Variants in SPG11 observed in about 807,000 individuals in gnomAD.
The protein encoded by SPG11 is SPG11 vesicle trafficking associated, spatacsin.
Under a neutral mutation model 274.0 loss-of-function variants are expected in SPG11, and 222 were observed. The ratio of observed to expected loss-of-function variants is 0.81; its 90% CI spans 0.73 to 0.91. The LOEUF is 0.91. SPG11 is among the 40% of genes least tolerant of loss of function. The pLI is 0.00. For missense variants in SPG11, 3,114 were observed against 2,872.7 expected (o/e 1.08, Z -1.92); for synonymous variants, 1,144 against 1,039.7 (o/e 1.10, Z -1.93).
chr15:44,563,691 GAGTACAGTGGTTTTT>G (rs1327554120), intron 39 of SPG11, among the ~76,000 whole-genome samples: 1 of 152,136 alleles, frequency 6.6e-6, no homozygotes, highest in Non-Finnish European at 1.5e-5. Context: ...GCCCAGGCTG[GAGTACAGTGGTTTTT>G]CAGAGTGTGA....
chr15:44,572,441 T>C, intron 33 of SPG11: 1 of 509,664 alleles, frequency 2.0e-6, no homozygotes, highest in East Asian at 3.7e-5. Flanking sequence ...AATATAAGAG[T>C]GAAATAAGTA....
chr15:44,567,297 G>T, intron 36 of SPG11, 127 bp downstream of exon 36: 1 of 982,728 alleles, frequency 1.0e-6, no homozygotes, highest in Non-Finnish European at 1.5e-6. Flanking sequence ...GTTGCAGGGA[G>T]CTGAGATCGT....
intron 17 of SPG11, among the ~76,000 whole-genome samples, chr15:44,611,286 C>T (rs895195095): frequency 6.6e-6 from 1 of 152,036 alleles, no homozygotes; most frequent in Admixed American, 6.6e-5. Context: ...TTGTTCTCAA[C>T]AAAGAGCTCA....
chr15:44,657,047 T>A lies in SPG11; in HGVS notation c.869+48A>T, dbSNP rs138212424. 3,071 of 1,525,752 alleles carry A rather than the reference T, an allele frequency of 2.0e-3. 2 individuals are homozygous for A. The highest frequency in any genetic ancestry group is 2.7e-3 in the Non-Finnish European group (2,949 of 1,108,364). 94.5% of individuals were successfully genotyped at this position (1,525,752 alleles called of 1,614,324 possible). On this transcript the variant is annotated intron_variant, in intron 4 of 39. Coordinates refer to ENST00000261866, the MANE Select transcript of SPG11 (RefSeq NM_025137.4). ...TAACGAGGATATTTTTAACCTCTTA[T>A]CAGTCTAACTATTTACCTCAAATTA...
chr15:44,576,318 T>C (rs1192039771), intron 30 of SPG11, among the ~76,000 whole-genome samples: 2 of 151,894 alleles, frequency 1.3e-5, no homozygotes, highest in African/African-American at 2.4e-5. Context: ...TCAAGCTTAG[T>C]ACATCTGTAC....
chr15:44,587,527 A>C (rs1239544692), intron 28 of SPG11, among the ~76,000 whole-genome samples: 2 of 151,938 alleles, frequency 1.3e-5, no homozygotes, highest in Non-Finnish European at 2.9e-5. Context: ...TATTTCTAAT[A>C]AAAGATACAA....
At chr15:44,603,223 A>G (rs1285029638) in intron 20 of SPG11, among the ~76,000 whole-genome samples, 1 of 151,530 alleles carries the variant, frequency 6.6e-6, no homozygotes, top group African/African-American at 2.4e-5. Context: ...TAATTTTAAC[A>G]TTTTTCTTTC....
chr15:44,621,758 C>T lies in SPG11; in HGVS notation c.2620+1G>A. The T allele has an allele frequency of 1.2e-6, 2 of 1,613,522 alleles. No individual in the cohort carries two copies. Among genetic ancestry groups the T allele is most frequent in the South Asian group, 1.1e-5 (1 of 91,070 alleles). On this transcript the variant is annotated splice_donor_variant, in intron 14 of 39. Transcript: ENST00000261866. LOFTEE classifies it high-confidence loss of function. The stretch of plus-strand genomic sequence containing the variant: ...CATATTTCAGGCTCTCTCACACTTG[C>T]CTTCTGGACTTATCCTGGGGAGAAG...
At chr15:44,628,436 G>C (rs2083964259) in intron 10 of SPG11, among the ~76,000 whole-genome samples, 1 of 152,206 alleles carries the variant, frequency 6.6e-6, no homozygotes, top group Non-Finnish European at 1.5e-5. Context: ...CTGAACCCAA[G>C]TGGGCAGATC....
chr15:44,652,181 C>T lies in SPG11; in HGVS notation c.955G>A (p.Val319Ile), dbSNP rs748520918. The T allele has an allele frequency of 3.7e-6, 6 of 1,614,132 alleles. No homozygotes were observed. Among genetic ancestry groups the T allele is most frequent in the Non-Finnish European group, 4.2e-6 (5 of 1,180,012 alleles). ...GPKGVDEDDP[V>I]NSAYNMKLAK... ...AGTTTCATGTTGTAGGCAGAGTTAA[C>T]AGGATCATCTTCATCTACGCCCTTA... Residue 319 changes from valine to isoleucine, a missense_variant, in exon 5 of 40, where the codon GTT becomes ATT. Val to Ile is a conservative substitution (Grantham distance 29). Coordinates refer to ENST00000261866, the MANE Select transcript of SPG11 (RefSeq NM_025137.4).
intron 15 of SPG11, among the ~76,000 whole-genome samples, chr15:44,618,175 AT>A (rs2083638470): frequency 6.6e-6 from 1 of 152,066 alleles, no homozygotes; most frequent in Non-Finnish European, 1.5e-5. Flanking sequence ...AGTAAGTATG[AT>A]GTTGGCTAAA....
At chr15:44,631,803 CTTTTTTTTTTTTT>C (rs1205482825) in intron 8 of SPG11, among the ~76,000 whole-genome samples, 1 of 100,466 alleles carries the variant, frequency 1.0e-5, no homozygotes, top group African/African-American at 3.8e-5. Context: ...CTGCACCCAG[CTTTTTTTTTTTTT>C]TTTTTTTTTT....
Position 44,621,950 on chromosome 15 carries a change from T to TA in SPG11, c.2445-17dup. The TA allele has an allele frequency of 6.3e-7, 1 of 1,585,416 alleles. No homozygotes were observed. Among genetic ancestry groups the TA allele is most frequent in the Non-Finnish European group, 8.6e-7 (1 of 1,166,876 alleles). ...TATCCAGTACCTAAAAACAGTGATA[T>TA]AAATTTTTTTTTTTTTAATTTTGGA... On this transcript the variant is annotated splice_polypyrimidine_tract_variant and intron_variant, in intron 13 of 39. Coordinates refer to ENST00000261866, the MANE Select transcript of SPG11 (RefSeq NM_025137.4).
intron 18 of SPG11, 44 bp downstream of exon 18, chr15:44,610,794 TAA>T: frequency 6.4e-7 from 1 of 1,557,298 alleles, no homozygotes; most frequent in African/African-American, 1.4e-5. Flanking sequence ...ATAATTCTGC[TAA>T]ATTTAAAAAT....
intron 24 of SPG11, 37 bp from the exon 25 acceptor site, chr15:44,596,392 C>A: frequency 2.5e-6 from 4 of 1,611,312 alleles, no homozygotes; most frequent in Admixed American, 1.7e-5. Context: ...AGAAACCCAA[C>A]TTTCAGTTTC....
Position 44,660,439 on chromosome 15 carries a change from T to G in SPG11, c.435A>C (p.Gln145His), listed in dbSNP as rs552760302. The change falls in exon 2 of 40, where the codon CAA (glutamine) becomes CAC (histidine). Residue 145 changes from glutamine (Q) to histidine (H), a missense_variant. Physicochemically the swap from Gln to His is conservative, Grantham distance 24. Coordinates refer to ENST00000261866, the MANE Select transcript of SPG11 (RefSeq NM_025137.4). ...REALQKLIDD[Q>H]DISISLLSLR... ...CCACCTGTAGATACTTACTGATATC[T>G]TGATCGTCAATGAGCTTTTGCAATG... 5.0e-6 allele frequency: 8 copies of G among 1,613,602 alleles called. No homozygotes were observed. In the South Asian group the frequency reaches 7.7e-5, roughly 16 times the overall value.
intron 1 of SPG11, among the ~76,000 whole-genome samples, chr15:44,661,446 G>A (rs2085103071): frequency 6.6e-6 from 1 of 152,208 alleles, no homozygotes; most frequent in Non-Finnish European, 1.5e-5. Flanking sequence ...TTCTACAGAA[G>A]TAGTGTTTTA....
chr15:44,618,951 G>C (rs1372964521), intron 15 of SPG11, among the ~76,000 whole-genome samples: 1 of 152,038 alleles, frequency 6.6e-6, no homozygotes, highest in Non-Finnish European at 1.5e-5. Context: ...CCTTTAATCT[G>C]GTGGTATAGA....
chr15:44,606,158 T>C (rs371213784), intron 19 of SPG11, 67 bp from the exon 20 acceptor site: 236 of 1,427,540 alleles, frequency 1.7e-4, no homozygotes, highest in African/African-American at 2.0e-4. Flanking sequence ...AAAAAAATTA[T>C]ATGAAAGGAC....
Sources: allele counts gnomAD v4.1 joint callset (sites outside exome capture counted in the v4.1 genomes callset), GRCh38; gene constraint gnomAD v4.1.1; transcripts MANE v1.5; gene names NCBI Gene and HGNC (gene_info 2026-07-23, HGNC 2026-07-21).